IRAK2: variants seen among roughly 807,000 people sequenced by gnomAD.
IRAK2 encodes the protein interleukin-1 receptor-associated kinase-like 2.
Under a neutral mutation model 72.0 loss-of-function variants are expected in IRAK2, and 57 were observed. The observed-to-expected ratio is 0.79, with a 90% CI of 0.64 to 0.99. The LOEUF (loss-of-function observed/expected upper bound fraction) is 0.99. IRAK2 is among the 50% of genes least tolerant of loss of function. The pLI is 0.00. For synonymous variants in IRAK2, 293 were observed against 312.7 expected, an observed-to-expected ratio of 0.94 and a Z score of 0.67; for missense variants, 790 against 794.4, an observed-to-expected ratio of 0.99 and a Z score of 0.07.
Position 10,213,538 on chromosome 3 carries a change from A to G in IRAK2, c.778A>G (p.Ile260Val). The G allele has an allele frequency of 6.2e-7, 1 of 1,613,860 alleles. No individual in the cohort carries two copies. Among genetic ancestry groups the G allele is most frequent in the Non-Finnish European group, 8.5e-7 (1 of 1,179,778 alleles). Reference protein sequence around the residue: ...IERFFQAELQICLRCCHPNVL... With the variant: ...IERFFQAELQVCLRCCHPNVL... ...AAGATTCTTCCAGGCAGAGTTGCAG[A>G]TTTGTCTTAGGTAAGCCTCCCCTTT... The change falls in exon 6 of 13, where the codon ATT (isoleucine) becomes GTT (valine). Residue 260 changes from isoleucine (I) to valine (V), a missense_variant. Ile to Val is a conservative substitution (Grantham distance 29). Coordinates refer to ENST00000256458, the MANE Select transcript of IRAK2 (RefSeq NM_001570.4).
In IRAK2 at chr3:10,213,085, CA is replaced by C. The variant is rs1474290527; in HGVS notation, c.529-121del. ...GCCCGGCCTATCCATGTCCTTTTTA[CA>C]GTTTCCATTGGATAAGTTGATCCCC... On this transcript the variant is annotated intron_variant, in intron 4 of 12. Transcript: ENST00000256458. 7.3e-6 allele frequency: 6 copies of C among 822,624 alleles called. No individual in the cohort carries two copies. The African/African-American group carries it at 1.0e-4, about 14-fold the overall frequency. 51.0% of individuals were successfully genotyped at this position (822,624 alleles called of 1,614,324 possible).
intron 10 of IRAK2, among the ~76,000 whole-genome samples, chr3:10,229,749 T>A (rs1038948723): frequency 1.3e-5 from 2 of 152,158 alleles, no homozygotes; most frequent in African/African-American, 4.8e-5. Context: ...GACATTTGGG[T>A]TATTTCCAGG....
intron 11 of IRAK2, 60 bp from the exon 12 acceptor site, chr3:10,238,688 T>C: frequency 6.5e-7 from 1 of 1,527,094 alleles, no homozygotes; most frequent in East Asian, 2.3e-5. Flanking sequence ...AGGCCAGATG[T>C]TAGCATTTCT....
At position 10,236,881 on chromosome 3, in the gene IRAK2, C is replaced by T. The variant is rs548594063; in HGVS notation, c.1474-1867C>T. ...TCTTTAGTGTAACAGTTTGAATTTACGCAGTCCAGTGTTAATGTGGCAGTG... is the reference window on the plus strand; with the variant it reads ...TCTTTAGTGTAACAGTTTGAATTTATGCAGTCCAGTGTTAATGTGGCAGTG... On this transcript the variant is annotated intron_variant, in intron 11 of 12. Coordinates refer to ENST00000256458, the MANE Select transcript of IRAK2 (RefSeq NM_001570.4). Among the ~76,000 whole-genome samples the T allele has an allele frequency of 5.3e-5, 8 of 152,314 alleles. No individual in the cohort carries two copies. The East Asian group carries it at 9.6e-4, about 18-fold the overall frequency.
chr3:10,195,224 A>T (rs1697244570), intron 2 of IRAK2, among the ~76,000 whole-genome samples: 1 of 152,248 alleles, frequency 6.6e-6, no homozygotes, highest in Non-Finnish European at 1.5e-5. Context: ...GTGTTTTGAC[A>T]GAGAGGCAAA....
intron 3 of IRAK2, among the ~76,000 whole-genome samples, chr3:10,204,130 G>A (rs1697403965): frequency 6.6e-6 from 1 of 152,232 alleles, no homozygotes; most frequent in Non-Finnish European, 1.5e-5. Context: ...AAAATACCAA[G>A]TACTGCATGT....
At chr3:10,188,834 G>T (rs1336523837) in intron 2 of IRAK2, among the ~76,000 whole-genome samples, 1 of 152,184 alleles carries the variant, frequency 6.6e-6, no homozygotes, top group East Asian at 1.9e-4. Flanking sequence ...CCTAATTTTT[G>T]TATTTTTAGT....
rs1698094999 is a variant in IRAK2, at chr3:10,243,674, G to A, written c.*1446G>A. On this transcript the variant is annotated 3_prime_UTR_variant, in exon 13 of 13. Coordinates refer to ENST00000256458, the MANE Select transcript of IRAK2 (RefSeq NM_001570.4). ...AACAGATGCTATTTTAAATTCACTG[G>A]GAGAAATATCCTATTTAAAGTAATC... 1 of 152,202 alleles carries A rather than the reference G, an allele frequency of 6.6e-6. No homozygotes were observed. The highest frequency in any genetic ancestry group is 1.5e-5 in the Non-Finnish European group (1 of 68,028). The allele number at this position is 152,202 out of a possible 1,614,324, so 9.4% of individuals were successfully genotyped here.
intron 1 of IRAK2, among the ~76,000 whole-genome samples, chr3:10,175,130 T>C (rs116463215): frequency 0.041 from 6,214 of 152,158 alleles, 436 homozygotes; most frequent in African/African-American, 0.14. Flanking sequence ...TATTTATTTT[T>C]AATTTTTATA....
rs184585610 is a variant in IRAK2, at chr3:10,219,547, T to G, written c.904-133T>G. On this transcript the variant is annotated intron_variant, in intron 7 of 12. Coordinates refer to ENST00000256458, the MANE Select transcript of IRAK2 (RefSeq NM_001570.4). ...GTTAGCCAGGATGGTCTCGATCTCCTGAACTAGTGATCTGCCTGCCTGGGC... is the reference window on the plus strand; with the variant it reads ...GTTAGCCAGGATGGTCTCGATCTCCGGAACTAGTGATCTGCCTGCCTGGGC... The G allele has an allele frequency of 1.0e-3, 678 of 648,170 alleles. 2 individuals are homozygous for G. Among genetic ancestry groups the G allele is most frequent in the Middle Eastern group, 4.8e-3 (15 of 3,130 alleles). The allele number at this position is 648,170 out of a possible 1,614,324, so 40.2% of individuals were successfully genotyped here.
At chr3:10,201,380 C>G (rs1385731890) in intron 3 of IRAK2, among the ~76,000 whole-genome samples, 1 of 152,256 alleles carries the variant, frequency 6.6e-6, no homozygotes, top group East Asian at 1.9e-4. Context: ...TCTGTCCATT[C>G]TCCATAGGCC....
intron 2 of IRAK2, among the ~76,000 whole-genome samples, chr3:10,198,981 A>G (rs1697313828): frequency 6.6e-6 from 1 of 152,156 alleles, no homozygotes; most frequent in South Asian, 2.1e-4. Flanking sequence ...ATCAGGTTTT[A>G]TCTGGGAGGC....
chr3:10,204,878 T>TCACTAATCAGATTA (rs1003560887), intron 3 of IRAK2, among the ~76,000 whole-genome samples: 7 of 152,194 alleles, frequency 4.6e-5, no homozygotes, highest in Non-Finnish European at 8.8e-5. Flanking sequence ...TGATTAGCTG[T>TCACTAATCAGATTA]GCCTCACTCT....
At chr3:10,223,185 C>T (rs1352390813) in intron 9 of IRAK2, among the ~76,000 whole-genome samples, 1 of 152,162 alleles carries the variant, frequency 6.6e-6, no homozygotes, top group Non-Finnish European at 1.5e-5. Context: ...CTAGTAGGCT[C>T]CAGATATCCT....
intron 1 of IRAK2, among the ~76,000 whole-genome samples, chr3:10,169,782 T>A (rs1214979380): frequency 6.6e-6 from 1 of 152,164 alleles, no homozygotes; most frequent in Non-Finnish European, 1.5e-5. Flanking sequence ...ACATACATCC[T>A]CAGCTTATGA....
chr3:10,211,059 C>T (rs909205993), intron 4 of IRAK2, among the ~76,000 whole-genome samples: 7 of 151,792 alleles, frequency 4.6e-5, no homozygotes, highest in African/African-American at 9.7e-5. Flanking sequence ...GACAGGGTTT[C>T]GCCATGTTGG....
chr3:10,188,332 A>C (rs148372389), intron 2 of IRAK2, among the ~76,000 whole-genome samples: 39 of 152,164 alleles, frequency 2.6e-4, no homozygotes, highest in Admixed American at 5.9e-4. Context: ...AAGGAACTAA[A>C]AATACATTTT....
Position 10,191,155 on chromosome 3 carries a change from C to T in IRAK2, c.278-9214C>T, listed in dbSNP as rs56818268. Among the ~76,000 whole-genome samples, 1,004 of 152,082 alleles carry T rather than the reference C, an allele frequency of 6.6e-3. 14 individuals carry two copies. Among genetic ancestry groups the T allele is most frequent in the African/African-American group, 0.023 (951 of 41,462 alleles). ...TAAAAATAAAAAAAAATTAGCTGGG[C>T]GTGGTGGCGGGTGCCTGTAGTCCCA... On this transcript the variant is annotated intron_variant, in intron 2 of 12. Transcript: ENST00000256458.
At chr3:10,190,572 G>A (rs1173858044) in intron 2 of IRAK2, among the ~76,000 whole-genome samples, 10 of 152,156 alleles carry the variant, frequency 6.6e-5, no homozygotes, top group African/African-American at 2.4e-4. Flanking sequence ...TGAGAGTGGT[G>A]TTAGAATGAA....
Sources: gnomAD v4.1 joint callset for allele counts (sites outside exome capture counted in the v4.1 genomes callset) on GRCh38, gnomAD v4.1.1 for gene constraint, MANE v1.5 for transcripts, NCBI Gene and HGNC (gene_info 2026-07-23, HGNC 2026-07-21) for gene names.